The following CLMN variants were observed in gnomAD, a reference collection of about 807,000 sequenced individuals.
CLMN encodes the protein calmin, also known as calmin (calponin-like, transmembrane).
In CLMN, 57 loss-of-function variants were observed where a neutral mutation model predicts 92.7. The observed-to-expected ratio is 0.61, with a 90% confidence interval of 0.50 to 0.77. CLMN has a LOEUF of 0.77. Ranked by LOEUF, CLMN falls within the 30% of genes least tolerant of loss-of-function variation. CLMN has a pLI of 0.00. For synonymous variants in CLMN, 466 were observed against 470.6 expected, an observed-to-expected ratio of 0.99 and a Z score of 0.13; for missense variants, 1,158 against 1,237.5, an observed-to-expected ratio of 0.94 and a Z score of 0.96.
At chr14:95,297,306 A>C (rs1359466820) in intron 1 of CLMN, among the ~76,000 whole-genome samples, 1 of 152,228 alleles carries the variant, frequency 6.6e-6, no homozygotes, top group African/African-American at 2.4e-5. Context: ...GTGTCATTAA[A>C]AAACTGTGAT....
chr14:95,286,502 A>G (rs776509524), intron 1 of CLMN, among the ~76,000 whole-genome samples: 2 of 152,180 alleles, frequency 1.3e-5, no homozygotes, highest in African/African-American at 4.8e-5. Context: ...GTGACTCCTT[A>G]ATGTGTTGGG....
chr14:95,300,788 T>C (rs1001868043), intron 1 of CLMN, among the ~76,000 whole-genome samples: 1 of 152,222 alleles, frequency 6.6e-6, no homozygotes, highest in Admixed American at 6.5e-5. Flanking sequence ...TATATCCCGA[T>C]GAGACCGGGG....
At chr14:95,251,643 T>C (rs944659729) in intron 1 of CLMN, among the ~76,000 whole-genome samples, 29 of 152,180 alleles carry the variant, frequency 1.9e-4, no homozygotes, top group African/African-American at 7.0e-4. Flanking sequence ...GTAAAGGAAT[T>C]TTATGCTCAG....
intron 4 of CLMN, among the ~76,000 whole-genome samples, chr14:95,220,014 A>ACT (rs1359759946): frequency 1.3e-5 from 2 of 151,912 alleles, no homozygotes; most frequent in Non-Finnish European, 2.9e-5. Context: ...ATTTCCAAAA[A>ACT]CTTCCCTGTC....
At chr14:95,268,280 T>C (rs116995262) in intron 1 of CLMN, among the ~76,000 whole-genome samples, 2,404 of 151,856 alleles carry the variant, frequency 0.016, 25 homozygotes, top group Non-Finnish European at 0.024. Context: ...ACCCTGAAAA[T>C]ATGTGTATCG....
chr14:95,237,399 A>ATG (rs370792881), intron 1 of CLMN, among the ~76,000 whole-genome samples: 3 of 152,190 alleles, frequency 2.0e-5, no homozygotes, highest in Admixed American at 6.5e-5. Flanking sequence ...CCCAGGGGTT[A>ATG]TGTGTGTGTG....
chr14:95,290,758 T>C (rs1251007823), intron 1 of CLMN, among the ~76,000 whole-genome samples: 8 of 152,148 alleles, frequency 5.3e-5, no homozygotes, highest in Non-Finnish European at 7.4e-5. Context: ...ACAGCAGCCC[T>C]AGGAAACCCA....
At chr14:95,315,811 G>A (rs537418303) in intron 1 of CLMN, among the ~76,000 whole-genome samples, 2 of 152,358 alleles carry the variant, frequency 1.3e-5, no homozygotes, top group South Asian at 2.1e-4. Context: ...CAGTCTGGCT[G>A]GGTGCCCATG....
intron 12 of CLMN, chr14:95,193,296 A>T (rs1214534429): frequency 2.7e-6 from 4 of 1,482,638 alleles, no homozygotes; most frequent in Non-Finnish European, 2.7e-6. Flanking sequence ...CCAGGCCAAC[A>T]GTTCTCCGAC....
intron 1 of CLMN, among the ~76,000 whole-genome samples, chr14:95,269,023 T>C (rs1418629198): frequency 6.6e-6 from 1 of 151,940 alleles, no homozygotes; most frequent in Non-Finnish European, 1.5e-5. Context: ...AGGCTGGTCT[T>C]GAACTCCTGA....
chr14:95,252,842 T>C (rs956646949), intron 1 of CLMN, among the ~76,000 whole-genome samples: 1 of 152,174 alleles, frequency 6.6e-6, no homozygotes, highest in Non-Finnish European at 1.5e-5. Context: ...GGGTAAAGCA[T>C]CCTGCCCCCA....
intron 1 of CLMN, among the ~76,000 whole-genome samples, chr14:95,251,145 G>T (rs1898767324): frequency 6.6e-6 from 1 of 152,186 alleles, no homozygotes. Flanking sequence ...ATGTGTGTGT[G>T]TAATGGGGGG....
intron 1 of CLMN, among the ~76,000 whole-genome samples, chr14:95,254,236 C>G (rs1433632891): frequency 6.6e-6 from 1 of 152,164 alleles, no homozygotes; most frequent in East Asian, 1.9e-4. Context: ...GACCCAGGAG[C>G]CAAGGCCACC....
chr14:95,242,740 T>C (rs534297707), intron 1 of CLMN, among the ~76,000 whole-genome samples: 34 of 152,178 alleles, frequency 2.2e-4, no homozygotes, highest in African/African-American at 8.0e-4. Context: ...GCTCATTTTT[T>C]GTATTTTTAG....
intron 1 of CLMN, among the ~76,000 whole-genome samples, chr14:95,244,312 G>A (rs766249078): frequency 7.9e-5 from 12 of 152,300 alleles, no homozygotes; most frequent in Non-Finnish European, 1.5e-4. Flanking sequence ...TACCTATTCA[G>A]GTAGCCTGTT....
chr14:95,288,732 G>A (rs943557596), intron 1 of CLMN, among the ~76,000 whole-genome samples: 8 of 152,254 alleles, frequency 5.3e-5, no homozygotes, highest in South Asian at 4.1e-4. Flanking sequence ...AGAAACAAGC[G>A]CTTGTGTCCA....
chr14:95,302,088 A>G lies in CLMN; in HGVS notation c.82+17623T>C, dbSNP rs186557658. Among the ~76,000 whole-genome samples, 7 of 152,328 alleles carry G rather than the reference A, an allele frequency of 4.6e-5. No individual in the cohort carries two copies. In the East Asian group the frequency reaches 1.4e-3, roughly 29 times the overall value. On this transcript the variant is annotated intron_variant, in intron 1 of 12. Coordinates refer to ENST00000298912, the MANE Select transcript of CLMN (RefSeq NM_024734.4). ...AGGAAGCAGGTGGATCACTTGAGTT[A>G]GGAGTTTGAGACCAGCCTGGCCAAC...
At chr14:95,306,225 G>A in intron 1 of CLMN, among the ~76,000 whole-genome samples, 1 of 152,146 alleles carries the variant, frequency 6.6e-6, no homozygotes, top group East Asian at 1.9e-4. Flanking sequence ...CAAGAAGAGA[G>A]AACTAGCCAG....
At chr14:95,222,698 C>T (rs187926079) in intron 3 of CLMN, 18 of 432,074 alleles carry the variant, frequency 4.2e-5, no homozygotes, top group Non-Finnish European at 7.9e-5. Context: ...CATGGCGAGG[C>T]CTCTAAGAAA....
Sources: allele counts gnomAD v4.1 joint callset (sites outside exome capture counted in the v4.1 genomes callset), GRCh38; gene constraint gnomAD v4.1.1; transcripts MANE v1.5; gene names NCBI Gene and HGNC (gene_info 2026-07-23, HGNC 2026-07-21).